The following ARHGAP29 variants were observed in gnomAD, a reference collection of about 807,000 sequenced individuals.
ARHGAP29 encodes the protein rho GTPase-activating protein 29.
A neutral mutation model predicts 122.6 loss-of-function variants in ARHGAP29; 43 were observed. The observed-to-expected ratio is 0.35, with a 90% CI of 0.27 to 0.45. The LOEUF (loss-of-function observed/expected upper bound fraction) is 0.45, where lower values mean the gene tolerates loss of function less well. ARHGAP29 is among the 20% of genes least tolerant of loss of function. The pLI is 1.00. For missense variants in ARHGAP29, 1,303 were observed against 1,477.2 expected (o/e 0.88, Z 1.93); for synonymous variants, 506 against 497.1 (o/e 1.02, Z -0.24).
chr1:94,294,421 T>C, the ARHGAP29 span, among the ~76,000 whole-genome samples: 4,606 of 152,224 alleles, frequency 0.03, 253 homozygotes, highest in African/African-American at 0.11. Flanking sequence ...TAGCTGGGAC[T>C]ACAGGCACAC....
At position 94,173,676 on chromosome 1, in the gene ARHGAP29, C is replaced by T. The variant is rs1314072840; in HGVS notation, c.*193G>A. The T allele has an allele frequency of 3.5e-6, 2 of 579,496 alleles. No homozygotes were observed. The highest frequency in any genetic ancestry group is 5.8e-5 in the East Asian group (2 of 34,454). The allele number at this position is 579,496 out of a possible 1,614,324, so 35.9% of individuals were successfully genotyped here. On this transcript the variant is annotated 3_prime_UTR_variant, in exon 23 of 23. Coordinates refer to ENST00000260526, the MANE Select transcript of ARHGAP29 (RefSeq NM_004815.4). Reference sequence around the variant, plus strand: ...GAATTTAAAGATAATTCCAGTGAGGCACAAATGTGACCCTATCAAAACATT... The same window carrying T: ...GAATTTAAAGATAATTCCAGTGAGGTACAAATGTGACCCTATCAAAACATT...
chr1:94,177,807 A>C, intron 21 of ARHGAP29, 45 bp downstream of exon 21: 1 of 1,548,132 alleles, frequency 6.5e-7, no homozygotes, highest in Non-Finnish European at 8.7e-7. Context: ...TTATTAACAT[A>C]AATATTACAA....
the ARHGAP29 span, among the ~76,000 whole-genome samples, chr1:94,298,429 G>A: frequency 1.3e-5 from 2 of 152,136 alleles, no homozygotes; most frequent in Non-Finnish European, 2.9e-5. Context: ...ATGGGAAATT[G>A]CCTTGGCTTT....
At chr1:94,256,329 A>T (rs1654345073) in intron 1 of ARHGAP29, among the ~76,000 whole-genome samples, 1 of 152,124 alleles carries the variant, frequency 6.6e-6, no homozygotes, top group African/African-American at 2.4e-5. Context: ...GATTGTATCT[A>T]CCCTACAAAT....
At chr1:94,222,588 A>G (rs184076910) in intron 2 of ARHGAP29, among the ~76,000 whole-genome samples, 31 of 152,332 alleles carry the variant, frequency 2.0e-4, no homozygotes, top group Non-Finnish European at 4.3e-4. Context: ...AAAAATGAGG[A>G]AAGTTTGAGA....
At chr1:94,223,486 T>A (rs1283607276) in intron 2 of ARHGAP29, among the ~76,000 whole-genome samples, 1 of 152,082 alleles carries the variant, frequency 6.6e-6, no homozygotes, top group African/African-American at 2.4e-5. Context: ...TTAAAACACA[T>A]AACGCACTTA....
chr1:94,177,703 C>A lies in ARHGAP29; in HGVS notation c.2814G>T (p.Glu938Asp). 6.2e-7 allele frequency: 1 copy of A among 1,612,776 alleles called. No homozygotes were observed. Among genetic ancestry groups the A allele is most frequent in the Non-Finnish European group, 8.5e-7 (1 of 1,179,666 alleles). ...FSSKEDIHTS[E>D]SESKIFERAT... is the part of the protein sequence containing the mutation. ...CTCGTTCAAAAATTTTGCTTTCACT[C>A]TCTGAAGTATGGATATCCTGTTGAT... Residue 938 changes from glutamate (E) to aspartate (D), a missense_variant, in exon 22 of 23, where the codon GAG (glutamate) becomes GAT (aspartate). Coordinates refer to ENST00000260526, the MANE Select transcript of ARHGAP29 (RefSeq NM_004815.4).
intron 19 of ARHGAP29, among the ~76,000 whole-genome samples, chr1:94,182,840 A>ACAAAT (rs1300647891): frequency 2.0e-5 from 3 of 152,010 alleles, no homozygotes; most frequent in Non-Finnish European, 2.9e-5. Context: ...ACAAAACAAA[A>ACAAAT]CAAAACAAAA....
chr1:94,267,905 A>G (rs1417395483), intron 1 of ARHGAP29, among the ~76,000 whole-genome samples: 4 of 152,192 alleles, frequency 2.6e-5, no homozygotes, highest in African/African-American at 9.6e-5. Context: ...AGTCTTCACT[A>G]TATAATAAGA....
chr1:94,250,440 G>A (rs1006682957), intron 1 of ARHGAP29: 3 of 152,170 alleles, frequency 2.0e-5, no homozygotes, highest in African/African-American at 4.8e-5. Context: ...AAGCCTGCAC[G>A]GGTGGCCCCA....
At chr1:94,257,462 C>A (rs1192281384) in intron 1 of ARHGAP29, among the ~76,000 whole-genome samples, 1 of 152,068 alleles carries the variant, frequency 6.6e-6, no homozygotes, top group Admixed American at 6.6e-5. Context: ...AATCTCAGCA[C>A]TTTGGGAGGC....
the ARHGAP29 span, among the ~76,000 whole-genome samples, chr1:94,282,461 T>C: frequency 2.0e-5 from 3 of 151,182 alleles, no homozygotes; most frequent in African/African-American, 2.5e-5. Flanking sequence ...AATTTTTGTA[T>C]TTTTTGTAGA....
chr1:94,250,391 C>G (rs1046311200), intron 1 of ARHGAP29: 3 of 152,214 alleles, frequency 2.0e-5, no homozygotes, highest in Non-Finnish European at 4.4e-5. Flanking sequence ...TCTCCTCAAC[C>G]ATGATGAATA....
chr1:94,295,650 G>A, the ARHGAP29 span, among the ~76,000 whole-genome samples: 1 of 151,506 alleles, frequency 6.6e-6, no homozygotes, highest in African/African-American at 2.4e-5. Flanking sequence ...ATCCATTGGA[G>A]AAGGAGAATG....
At chr1:94,177,789 T>C in intron 21 of ARHGAP29, 63 bp downstream of exon 21, 1 of 1,554,646 alleles carries the variant, frequency 6.4e-7, no homozygotes, top group Non-Finnish European at 8.7e-7. Flanking sequence ...AGTTCAAAGA[T>C]CTTTAACTTA....
At position 94,189,279 on chromosome 1, in the gene ARHGAP29, G is replaced by A. The variant is rs752485532; in HGVS notation, c.1513C>T (p.Arg505Cys). 22 of 1,612,902 alleles carry A rather than the reference G, an allele frequency of 1.4e-5. No homozygotes were observed. Among genetic ancestry groups the A allele is most frequent in the Admixed American group, 5.0e-5 (3 of 59,884 alleles). Reference protein sequence around the residue: ...GPANSLEDVVRLPDSSNKIEE... With the variant: ...GPANSLEDVVCLPDSSNKIEE... ...ATTTTATTAGAACTGTCAGGAAGGC[G>A]TACAACATCCTCTAAAGAGTTGGCA... Residue 505 changes from arginine to cysteine, a missense_variant, in exon 14 of 23, where the codon CGC becomes TGC. Arg to Cys is a radical substitution (Grantham distance 180). Around this residue, in one of 3 missense-constraint regions of ARHGAP29, gnomAD observed 592 missense variants for 648.2 expected, o/e 0.91. Coordinates refer to ENST00000260526, the MANE Select transcript of ARHGAP29 (RefSeq NM_004815.4).
the ARHGAP29 span, among the ~76,000 whole-genome samples, chr1:94,300,523 A>T: frequency 5.9e-5 from 9 of 152,160 alleles, no homozygotes; most frequent in African/African-American, 2.2e-4. Context: ...CAGAGAAGCT[A>T]TCCCTTAATC....
chr1:94,219,147 T>TCTGTA (rs1338778710), intron 3 of ARHGAP29, among the ~76,000 whole-genome samples: 6 of 152,220 alleles, frequency 3.9e-5, no homozygotes, highest in African/African-American at 1.4e-4. Flanking sequence ...TGTTACCTTG[T>TCTGTA]CTGTCTCTGA....
intron 7 of ARHGAP29, among the ~76,000 whole-genome samples, chr1:94,204,509 A>G (rs1410454442): frequency 6.6e-6 from 1 of 150,510 alleles, no homozygotes; most frequent in Non-Finnish European, 1.5e-5. Flanking sequence ...GGTAGATTCT[A>G]TATTCTTCCA....
Sources: allele counts gnomAD v4.1 joint callset (sites outside exome capture counted in the v4.1 genomes callset), GRCh38; gene constraint gnomAD v4.1.1; regional missense constraint gnomAD v4.1.1; transcripts MANE v1.5; gene names NCBI Gene and HGNC (gene_info 2026-07-23, HGNC 2026-07-21).